FILIP1L: variants seen among roughly 807,000 people sequenced by gnomAD.
FILIP1L encodes the protein filamin A interacting protein 1 like, also known as filamin A-interacting protein 1-like.
In FILIP1L, 55 loss-of-function variants were observed where a neutral mutation model predicts 96.6. That is an observed-to-expected ratio of 0.57 (90% confidence interval 0.46 to 0.71). The LOEUF is 0.71. FILIP1L is among the 30% of genes least tolerant of loss of function. The pLI, the probability that FILIP1L is intolerant of heterozygous loss-of-function variation, is 0.00. For missense variants in FILIP1L, 1,304 were observed against 1,321.2 expected, an observed-to-expected ratio of 0.99 and a Z score of 0.20; for synonymous variants, 467 against 473.9, an observed-to-expected ratio of 0.99 and a Z score of 0.19.
rs890083239 is a variant in FILIP1L, at chr3:99,903,412, C to T, written c.605+20818G>A. 2.6e-5 allele frequency among the ~76,000 whole-genome samples: 4 copies of T among 152,124 alleles called. No individual in the cohort carries two copies. In the South Asian group the frequency reaches 6.2e-4, roughly 24 times the overall value. On this transcript the variant is annotated intron_variant, in intron 4 of 5. Coordinates refer to ENST00000477258, the MANE Select transcript of FILIP1L (RefSeq NM_001387850.1). The stretch of plus-strand genomic sequence containing the variant: ...GATTACAGGCGCCTGCCACCACACC[C>T]AGCTAATTTTTGTATTTTTAGTAGA...
At chr3:100,098,564 G>A (rs886797479) in intron 1 of FILIP1L, among the ~76,000 whole-genome samples, 3 of 152,158 alleles carry the variant, frequency 2.0e-5, no homozygotes, top group Non-Finnish European at 4.4e-5. Context: ...ATTCATAATT[G>A]AACTTCGGCT....
chr3:99,846,029 G>C (rs1943349316), intron 5 of FILIP1L, among the ~76,000 whole-genome samples: 1 of 152,162 alleles, frequency 6.6e-6, no homozygotes, highest in Middle Eastern at 3.2e-3. Context: ...CTTTATTATA[G>C]AGAATTTCTG....
chr3:100,020,767 T>TA (rs1559727954), intron 1 of FILIP1L, among the ~76,000 whole-genome samples: 2 of 136,146 alleles, frequency 1.5e-5, no homozygotes, highest in Non-Finnish European at 3.2e-5. Context: ...TAGCTTTTTT[T>TA]TTTTTTTTTT....
intron 4 of FILIP1L, among the ~76,000 whole-genome samples, chr3:99,867,713 A>G (rs1576530530): frequency 6.6e-6 from 1 of 152,114 alleles, no homozygotes; most frequent in Non-Finnish European, 1.5e-5. Flanking sequence ...ACTCCCAACA[A>G]TCTTTAGAGT....
At chr3:99,922,183 A>G (rs1371464628) in intron 4 of FILIP1L, among the ~76,000 whole-genome samples, 2 of 152,248 alleles carry the variant, frequency 1.3e-5, no homozygotes. Flanking sequence ...CATAATAATG[A>G]AAGATGAAAG....
At chr3:99,985,649 C>T (rs910166231) in intron 1 of FILIP1L, among the ~76,000 whole-genome samples, 7 of 151,678 alleles carry the variant, frequency 4.6e-5, no homozygotes, top group African/African-American at 1.2e-4. Context: ...AGTGCAATGG[C>T]ATGATCTCGG....
Position 99,848,900 on chromosome 3 carries a change from T to C in FILIP1L, c.2776A>G (p.Ser926Gly), listed in dbSNP as rs773611925. The C allele has an allele frequency of 6.2e-7, 1 of 1,614,152 alleles. No homozygotes were observed. Among genetic ancestry groups the C allele is most frequent in the Non-Finnish European group, 8.5e-7 (1 of 1,180,012 alleles). Residue 926 changes from serine to glycine, a missense_variant, in exon 5 of 6, where the codon AGT (serine) becomes GGT (glycine). Physicochemically the swap from Ser to Gly is moderately conservative, Grantham distance 56 (BLOSUM62 0). Coordinates refer to ENST00000477258, the MANE Select transcript of FILIP1L (RefSeq NM_001387850.1). ...GCAGTACTCGTGTAAGAGTGAGGAC[T>C]CTCTGTGGTTGGACTTGTGATTTCA... The part of the protein sequence containing the change: ...TLEITSPTTE[S>G]PHSYTSTAVI...
intron 1 of FILIP1L, among the ~76,000 whole-genome samples, chr3:100,071,955 A>G (rs538921291): frequency 1.3e-5 from 2 of 152,164 alleles, no homozygotes; most frequent in Non-Finnish European, 2.9e-5. Context: ...TGATCGGCAG[A>G]CTGAAACTGA....
chr3:100,012,008 T>C (rs1710170698), intron 1 of FILIP1L, among the ~76,000 whole-genome samples: 1 of 152,226 alleles, frequency 6.6e-6, no homozygotes, highest in South Asian at 2.1e-4. Flanking sequence ...CCATATCAAT[T>C]ATCATTTACC....
intron 1 of FILIP1L, among the ~76,000 whole-genome samples, chr3:100,002,700 G>C (rs780490263): frequency 2.0e-5 from 3 of 152,196 alleles, no homozygotes; most frequent in Non-Finnish European, 4.4e-5. Flanking sequence ...TCATCTAATT[G>C]TACATGTGGA....
intron 4 of FILIP1L, among the ~76,000 whole-genome samples, chr3:99,921,398 C>T (rs1307379013): frequency 1.3e-5 from 2 of 152,050 alleles, no homozygotes; most frequent in African/African-American, 4.8e-5. Context: ...CCTCATGAGG[C>T]CTGCAGTCTC....
In FILIP1L at chr3:99,979,316, G is replaced by A. The variant is rs116113002; in HGVS notation, c.-10-48286C>T. Among the ~76,000 whole-genome samples the A allele has an allele frequency of 7.3e-3, 1,107 of 152,090 alleles. 19 individuals are homozygous for A. The highest frequency in any genetic ancestry group is 0.025 in the African/African-American group (1,020 of 41,492). On this transcript the variant is annotated intron_variant, in intron 1 of 5. Transcript: ENST00000477258. ...TTCTCTCTTTATGGCCTTCTTTTGG[G>A]AAACACTAAAAAGATAAAAAGCTTG...
intron 1 of FILIP1L, among the ~76,000 whole-genome samples, chr3:100,110,948 A>G (rs1329664543): frequency 6.6e-6 from 1 of 152,190 alleles, no homozygotes; most frequent in African/African-American, 2.4e-5. Context: ...TGGATATACT[A>G]ATATACTATA....
Position 99,840,379 on chromosome 3 carries a change from A to T in FILIP1L, c.3381+7916T>A, listed in dbSNP as rs764156420. Among the ~76,000 whole-genome samples the T allele has an allele frequency of 3.3e-5, 5 of 151,920 alleles. No individual in the cohort carries two copies. In the South Asian group the frequency reaches 8.3e-4, roughly 25 times the overall value. On this transcript the variant is annotated intron_variant, in intron 5 of 5. Coordinates refer to ENST00000477258, the MANE Select transcript of FILIP1L (RefSeq NM_001387850.1). ...GCTGGGATTACAGGTGCCCACCACC[A>T]TGCCCGGCTAATTTTTGTATTTTTA...
chr3:100,011,149 T>A (rs1412045952), intron 1 of FILIP1L, among the ~76,000 whole-genome samples: 2 of 152,128 alleles, frequency 1.3e-5, no homozygotes, highest in African/African-American at 2.4e-5. Flanking sequence ...GACAGCAAAT[T>A]ACTTTTCCCT....
intron 1 of FILIP1L, among the ~76,000 whole-genome samples, chr3:99,988,674 C>G (rs1055526497): frequency 6.6e-6 from 1 of 152,026 alleles, no homozygotes; most frequent in Non-Finnish European, 1.5e-5. Flanking sequence ...TTAGATGATG[C>G]AAACAAAAAA....
intron 4 of FILIP1L, among the ~76,000 whole-genome samples, chr3:99,890,460 T>C (rs1020496862): frequency 6.6e-6 from 1 of 152,140 alleles, no homozygotes; most frequent in African/African-American, 2.4e-5. Flanking sequence ...AACAGTTTTT[T>C]CTCTCCTTAA....
Position 100,086,446 on chromosome 3 carries a change from A to C in FILIP1L, c.-11+27607T>G, listed in dbSNP as rs2066009477. On this transcript the variant is annotated intron_variant, in intron 1 of 5. Transcript: ENST00000477258. Reference sequence around the variant, plus strand: ...GAAAAAAAATCCAGGTTCTACTCTTATCTGTGCTTTCTCACTTATAACAGT... The same window carrying C: ...GAAAAAAAATCCAGGTTCTACTCTTCTCTGTGCTTTCTCACTTATAACAGT... 2.0e-5 allele frequency among the ~76,000 whole-genome samples: 3 copies of C among 152,222 alleles called. No homozygotes were observed. The South Asian group carries it at 6.2e-4, about 31-fold the overall frequency.
chr3:100,095,512 T>C (rs566385857), intron 1 of FILIP1L, among the ~76,000 whole-genome samples: 1 of 152,166 alleles, frequency 6.6e-6, no homozygotes, highest in East Asian at 1.9e-4. Flanking sequence ...AGAACATGCA[T>C]TGGAGAAAAG....
Sources: allele counts gnomAD v4.1 joint callset (sites outside exome capture counted in the v4.1 genomes callset), GRCh38; gene constraint gnomAD v4.1.1; transcripts MANE v1.5; gene names NCBI Gene and HGNC (gene_info 2026-07-23, HGNC 2026-07-21).